Variants in KIAA0586 observed in about 807,000 individuals in gnomAD.
KIAA0586 encodes the protein KIAA0586, also known as protein TALPID3.
KIAA0586 carries 144 observed loss-of-function variants against 169.8 expected under a neutral mutation model. That is an observed-to-expected ratio of 0.85 (90% CI 0.74 to 0.97). The LOEUF (loss-of-function observed/expected upper bound fraction) is 0.97, where lower values mean the gene tolerates loss of function less well. Among genes scored for constraint, KIAA0586 ranks in the 50% least tolerant of loss-of-function variants. The pLI, the probability that KIAA0586 is intolerant of heterozygous loss-of-function variation, is 0.00. For missense variants in KIAA0586, 1,854 were observed against 1,823.0 expected (o/e 1.02, Z -0.31); for synonymous variants, 625 against 612.4 (o/e 1.02, Z -0.30).
chr14:58,473,229 A>G (rs2041360037), intron 18 of KIAA0586, among the ~76,000 whole-genome samples: 1 of 152,048 alleles, frequency 6.6e-6, no homozygotes, highest in Non-Finnish European at 1.5e-5. Flanking sequence ...TTTATAGATA[A>G]AATGATGTGA....
intron 21 of KIAA0586, among the ~76,000 whole-genome samples, chr14:58,486,656 A>G (rs1215750157): frequency 1.3e-5 from 2 of 152,268 alleles, no homozygotes; most frequent in African/African-American, 4.8e-5. Context: ...ATTAAAAATA[A>G]AAATTTTAAA....
chr14:58,505,500 C>T (rs2043875618), intron 27 of KIAA0586, among the ~76,000 whole-genome samples: 1 of 152,186 alleles, frequency 6.6e-6, no homozygotes, highest in Non-Finnish European at 1.5e-5. Flanking sequence ...CTCTTCTATA[C>T]ACGAGCAAAT....
At position 58,541,988 on chromosome 14, in the gene KIAA0586, A is replaced by G. The variant is rs572449928; in HGVS notation, c.4495+1852A>G. 2.0e-5 allele frequency among the ~76,000 whole-genome samples: 3 copies of G among 152,352 alleles called. No individual in the cohort carries two copies. In the South Asian group the frequency reaches 6.2e-4, roughly 32 times the overall value. The stretch of plus-strand genomic sequence containing the variant: ...TCAAACTATATTTAATAGAGGTAGA[A>G]GATTTATATTTGCTTTCATGGTGAT... On this transcript the variant is annotated intron_variant, in intron 30 of 30. Transcript: ENST00000652326.
intron 21 of KIAA0586, among the ~76,000 whole-genome samples, chr14:58,484,900 A>ATATTTATATATATTTT (rs1555391503): frequency 0.044 from 399 of 9,054 alleles, 36 homozygotes; most frequent in East Asian, 0.1. Flanking sequence ...TTATATATAT[A>ATATTTATATATATTTT]TATATATATA....
intron 30 of KIAA0586, among the ~76,000 whole-genome samples, 200 bp from the exon 31 acceptor site, chr14:58,547,581 G>C (rs957759001): frequency 1.3e-5 from 2 of 152,104 alleles, no homozygotes; most frequent in Non-Finnish European, 2.9e-5. Context: ...GACTGATTAG[G>C]AGTGAGGGTG....
intron 15 of KIAA0586, 47 bp downstream of exon 15, chr14:58,466,076 A>ATTTG (rs1247583975): frequency 7.3e-7 from 1 of 1,363,600 alleles, no homozygotes; most frequent in East Asian, 2.3e-5. Context: ...TTATTTATTT[A>ATTTG]TTTGTTTGTT....
chr14:58,456,978 A>G (rs960054200), intron 10 of KIAA0586, among the ~76,000 whole-genome samples, 168 bp downstream of exon 10: 1 of 152,226 alleles, frequency 6.6e-6, no homozygotes, highest in Non-Finnish European at 1.5e-5. Context: ...GGCCTTCACC[A>G]AGTGATTTCT....
chr14:58,462,003 C>T (rs761861354), intron 14 of KIAA0586, among the ~76,000 whole-genome samples: 49 of 152,186 alleles, frequency 3.2e-4, no homozygotes, highest in Non-Finnish European at 6.6e-4. Context: ...CAGTAAGCTA[C>T]AGCTGACAAT....
chr14:58,516,819 CA>C lies in KIAA0586; in HGVS notation c.4429+4201del, dbSNP rs1267918942. 4.0e-5 allele frequency among the ~76,000 whole-genome samples: 6 copies of C among 150,078 alleles called. No homozygotes were observed. In the South Asian group the frequency reaches 6.3e-4, roughly 16 times the overall value. ...TATCAATGGGATAGAATAGAGAATT[CA>C]AAAAAAAAGTCCACACATTTATGAT... On this transcript the variant is annotated intron_variant, in intron 29 of 30. Transcript: ENST00000652326.
chr14:58,486,429 T>C (rs931108448), intron 21 of KIAA0586, among the ~76,000 whole-genome samples: 1 of 152,162 alleles, frequency 6.6e-6, no homozygotes, highest in African/African-American at 2.4e-5. Flanking sequence ...TGCATGTGTC[T>C]TTTTGGTATA....
In KIAA0586 at chr14:58,476,419, C is replaced by T. The variant is rs541581803; in HGVS notation, c.2826-704C>T. 1.2e-4 allele frequency among the ~76,000 whole-genome samples: 19 copies of T among 152,036 alleles called. 1 individual carries two copies. Among genetic ancestry groups the T allele is most frequent in the African/African-American group, 4.1e-4 (17 of 41,474 alleles). The stretch of plus-strand genomic sequence containing the variant: ...ATAATACAGCCTATATGTGTATTAC[C>T]GTGAAGAAAGGGCAGCTGGACATCT... On this transcript the variant is annotated intron_variant, in intron 19 of 30. Transcript: ENST00000652326.
At chr14:58,432,915 T>G (rs2037497866) in intron 4 of KIAA0586, among the ~76,000 whole-genome samples, 1 of 151,906 alleles carries the variant, frequency 6.6e-6, no homozygotes, top group South Asian at 2.1e-4. Context: ...GGGGTTTCAC[T>G]ATGTTGGCCA....
At chr14:58,475,753 A>G (rs895125206) in intron 19 of KIAA0586, among the ~76,000 whole-genome samples, 2 of 152,202 alleles carry the variant, frequency 1.3e-5, no homozygotes, top group Non-Finnish European at 2.9e-5. Flanking sequence ...GTACTGGCAT[A>G]TAAACAAAGC....
At chr14:58,433,529 G>A (rs1483514589) in intron 4 of KIAA0586, among the ~76,000 whole-genome samples, 1 of 152,206 alleles carries the variant, frequency 6.6e-6, no homozygotes, top group African/African-American at 2.4e-5. Context: ...AAGAATGCTT[G>A]ATAGGTGATA....
intron 25 of KIAA0586, 51 bp from the exon 26 acceptor site, chr14:58,492,078 AAATTGAGAAAAATGC>A: frequency 7.7e-7 from 1 of 1,295,572 alleles, no homozygotes; most frequent in South Asian, 1.7e-5. Context: ...TATTAATCTT[AAATTGAGAAAAATGC>A]AATTGTTCGA....
In KIAA0586 at chr14:58,498,464, C is replaced by A. The variant is rs574136723; in HGVS notation, c.3991-319C>A. ...GTGCTAGGATTATAGGCATGAGCCA[C>A]CGTGCTGGCCCCATTGAGTGTTTTA... is the stretch of plus-strand genomic sequence containing the variant. On this transcript the variant is annotated intron_variant, in intron 26 of 30. Coordinates refer to ENST00000652326, the MANE Select transcript of KIAA0586 (RefSeq NM_001329943.3). Among the ~76,000 whole-genome samples, 146 of 152,308 alleles carry A rather than the reference C, an allele frequency of 9.6e-4. 1 individual carries two copies. Among genetic ancestry groups the A allele is most frequent in the African/African-American group, 2.8e-3 (116 of 41,562 alleles).
intron 29 of KIAA0586, chr14:58,537,065 G>T: frequency 7.9e-7 from 1 of 1,266,472 alleles, no homozygotes; most frequent in South Asian, 1.3e-5. Flanking sequence ...CAGTTTTCAA[G>T]TTGTGTTGAC....
intron 29 of KIAA0586, among the ~76,000 whole-genome samples, chr14:58,539,517 T>C (rs2046507578): frequency 6.6e-6 from 1 of 152,164 alleles, no homozygotes; most frequent in Non-Finnish European, 1.5e-5. Flanking sequence ...CAGTTAACTT[T>C]CCGATTCTCT....
At position 58,488,011 on chromosome 14, in the gene KIAA0586, A is replaced by T. The variant is rs777480529; in HGVS notation, c.3429A>T (p.Val1143=). The change falls in exon 23 of 31, where the codon GTA becomes GTT. Residue 1143 remains valine (V), a synonymous_variant. Coordinates refer to ENST00000652326, the MANE Select transcript of KIAA0586 (RefSeq NM_001329943.3). ...LSDISIDKLK[V]SSPELPKPWG... is the part of the protein sequence containing the mutation. The stretch of plus-strand genomic sequence containing the variant: ...ATATTTCCATTGATAAATTGAAGGT[A>T]TCAAGCCCAGAGCTTCCCAAGCCAT... The T allele has an allele frequency of 1.2e-6, 2 of 1,611,900 alleles. No homozygotes were observed. Among genetic ancestry groups the T allele is most frequent in the Non-Finnish European group, 1.7e-6 (2 of 1,179,050 alleles).
Sources: allele counts gnomAD v4.1 joint callset (sites outside exome capture counted in the v4.1 genomes callset), GRCh38; gene constraint gnomAD v4.1.1; transcripts MANE v1.5; gene names NCBI Gene and HGNC (gene_info 2026-07-23, HGNC 2026-07-21).